Variants in SESN3 observed in about 807,000 individuals in gnomAD.
SESN3 encodes sestrin-3.
Under a neutral mutation model 55.3 loss-of-function variants are expected in SESN3, and 21 were observed. The ratio of observed to expected loss-of-function variants is 0.38; its 90% CI spans 0.27 to 0.55. The LOEUF (loss-of-function observed/expected upper bound fraction) is 0.55, where lower values mean the gene tolerates loss of function less well. Among genes scored for constraint, SESN3 ranks in the 20% least tolerant of loss-of-function variants. The probability of loss-of-function intolerance (pLI) is 0.76; values close to 1 mark genes in which losing one functional copy is unlikely to be tolerated. For missense variants in SESN3, 408 were observed against 604.3 expected (o/e 0.68, Z 3.41); for synonymous variants, 181 against 203.1 (o/e 0.89, Z 0.93).
intron 1 of SESN3, among the ~76,000 whole-genome samples, chr11:95,219,264 A>G (rs1860816899): frequency 6.6e-6 from 1 of 152,240 alleles, no homozygotes; most frequent in South Asian, 2.1e-4. Context: ...TGAACATTAC[A>G]TGGAATTTAG....
At chr11:95,215,555 G>A (rs1860736581) in intron 1 of SESN3, among the ~76,000 whole-genome samples, 1 of 152,106 alleles carries the variant, frequency 6.6e-6, no homozygotes, top group Non-Finnish European at 1.5e-5. Flanking sequence ...TTGGTGTACT[G>A]CTGAATTACA....
intron 1 of SESN3, among the ~76,000 whole-genome samples, chr11:95,194,916 C>G (rs1232375129): frequency 2.0e-5 from 3 of 151,990 alleles, no homozygotes; most frequent in Non-Finnish European, 4.4e-5. Flanking sequence ...AGAGTGAGAC[C>G]TCATCTCACA....
intron 1 of SESN3, among the ~76,000 whole-genome samples, chr11:95,203,521 T>C (rs1226042760): frequency 1.3e-5 from 2 of 152,180 alleles, no homozygotes; most frequent in South Asian, 2.1e-4. Context: ...TCTTTATTCC[T>C]AGTTTTGAAA....
At chr11:95,194,622 T>C (rs1211644027) in intron 1 of SESN3, among the ~76,000 whole-genome samples, 5 of 152,122 alleles carry the variant, frequency 3.3e-5, no homozygotes, top group Admixed American at 2.6e-4. Context: ...TTCTAGGTTA[T>C]ATTTACAAAA....
chr11:95,170,657 A>G lies in SESN3; in HGVS notation c.*2598T>C, dbSNP rs1859832223. 6.6e-6 allele frequency: 1 copy of G among 152,192 alleles called. No homozygotes were observed. Among genetic ancestry groups the G allele is most frequent in the South Asian group, 2.1e-4 (1 of 4,828 alleles). 9.4% of individuals were successfully genotyped at this position (152,192 alleles called of 1,614,324 possible). On this transcript the variant is annotated 3_prime_UTR_variant, in exon 10 of 10. Transcript: ENST00000536441. ...AATTTCAAGTTTGCATTGGATAAAGAGAGTTAACAGCAAACTCGTTGTAAA... is the reference window on the plus strand; with the variant it reads ...AATTTCAAGTTTGCATTGGATAAAGGGAGTTAACAGCAAACTCGTTGTAAA...
intron 3 of SESN3, among the ~76,000 whole-genome samples, chr11:95,190,965 T>C (rs961616012): frequency 1.2e-4 from 18 of 152,032 alleles, no homozygotes; most frequent in South Asian, 2.1e-4. Context: ...CAAGAATTCT[T>C]CTCTCATTCA....
At chr11:95,184,823 G>A (rs558940475) in intron 5 of SESN3, among the ~76,000 whole-genome samples, 4 of 151,744 alleles carry the variant, frequency 2.6e-5, no homozygotes, top group Non-Finnish European at 4.4e-5. Context: ...ATATATGTGT[G>A]TGCATAAAAT....
At chr11:95,204,956 A>G (rs2134248660) in intron 1 of SESN3, 1 of 152,358 alleles carries the variant, frequency 6.6e-6, no homozygotes, top group Middle Eastern at 3.4e-3. Context: ...GTTAGGAGCT[A>G]TAACGGGAGT....
rs750172071 is a variant in SESN3, at chr11:95,178,809, A to G, written c.957T>C (p.Ile319=). The G allele has an allele frequency of 1.2e-6, 2 of 1,601,744 alleles. No individual in the cohort carries two copies. Among genetic ancestry groups the G allele is most frequent in the East Asian group, 2.2e-5 (1 of 44,794 alleles). ...TATATCGAGAGACATCAGATGTTAT[A>G]ATCATGTCATCCTCAAAATCTAAGG... ...FPHSDFEDDM[I]ITSDVSRYIE... The change falls in exon 7 of 10, where the codon ATT becomes ATC. Residue 319 remains isoleucine (I), a synonymous_variant. Transcript: ENST00000536441.
Position 95,230,753 on chromosome 11 carries a change from C to A in SESN3, c.78+30G>T. On this transcript the variant is annotated intron_variant, in intron 1 of 9. Coordinates refer to ENST00000536441, the MANE Select transcript of SESN3 (RefSeq NM_144665.4). This position sits in a 1 kb window ranked among gnomAD's most constrained non-coding sequence, Gnocchi z 4.6. The stretch of plus-strand genomic sequence containing the variant: ...GCCCCGGCCGGCAGGAAGCGACCCT[C>A]GCCGGCAGGACCCCGGGCCGAACCC... 1.3e-6 allele frequency: 2 copies of A among 1,578,198 alleles called. No homozygotes were observed. The highest frequency in any genetic ancestry group is 2.3e-5 in the East Asian group (1 of 43,320).
At position 95,171,357 on chromosome 11, in the gene SESN3, C is replaced by T. The variant is rs1239820726; in HGVS notation, c.*1898G>A. 1.3e-5 allele frequency: 2 copies of T among 152,032 alleles called. No individual in the cohort carries two copies. The highest frequency in any genetic ancestry group is 6.6e-5 in the Admixed American group (1 of 15,264). The allele number at this position is 152,032 out of a possible 1,614,324, so 9.4% of individuals were successfully genotyped here. On this transcript the variant is annotated 3_prime_UTR_variant, in exon 10 of 10. Coordinates refer to ENST00000536441, the MANE Select transcript of SESN3 (RefSeq NM_144665.4). ...TGAATAATCTCTTTAAATAAACCAC[C>T]CTGTCTTTAAAAATATTAGTAATTT...
chr11:95,223,418 G>GA (rs1860894827), intron 1 of SESN3, among the ~76,000 whole-genome samples: 1 of 152,092 alleles, frequency 6.6e-6, no homozygotes, highest in African/African-American at 2.4e-5. Context: ...TTGGTATAAT[G>GA]GACATAATTT....
chr11:95,168,417 T>G lies in SESN3; in HGVS notation c.*4838A>C, dbSNP rs908046495. On this transcript the variant is annotated 3_prime_UTR_variant, in exon 10 of 10. Coordinates refer to ENST00000536441, the MANE Select transcript of SESN3 (RefSeq NM_144665.4). ...AATAGTTCAATTTCTGTATCATGTA[T>G]AAATATAAAGTTTCCTACTTTGATA... The G allele has an allele frequency of 1.5e-4, 23 of 152,124 alleles. No homozygotes were observed. Among genetic ancestry groups the G allele is most frequent in the African/African-American group, 4.6e-4 (19 of 41,426 alleles). The allele number at this position is 152,124 out of a possible 1,614,324, so 9.4% of individuals were successfully genotyped here.
chr11:95,212,366 C>T (rs1412868527), intron 1 of SESN3, among the ~76,000 whole-genome samples: 4 of 152,034 alleles, frequency 2.6e-5, no homozygotes, highest in Non-Finnish European at 5.9e-5. Flanking sequence ...CTCTCTAAAA[C>T]CTAGGACAGA....
rs1859891055 is a variant in SESN3, at chr11:95,173,345, G to A, written c.1393-4C>T. Reference sequence around the variant, plus strand: ...TTAAAAGTAGATTGACATGAACCTAGAAGTGAAAATGTTATCAGTTTAGTA... The same window carrying A: ...TTAAAAGTAGATTGACATGAACCTAAAAGTGAAAATGTTATCAGTTTAGTA... On this transcript the variant is annotated splice_polypyrimidine_tract_variant and splice_region_variant and intron_variant, in intron 9 of 9. Transcript: ENST00000536441. 1 of 1,574,122 alleles carries A rather than the reference G, an allele frequency of 6.4e-7. No homozygotes were observed. Among genetic ancestry groups the A allele is most frequent in the Admixed American group, 1.7e-5 (1 of 59,722 alleles).
chr11:95,173,652 C>T (rs922994854), intron 9 of SESN3, among the ~76,000 whole-genome samples: 1 of 151,560 alleles, frequency 6.6e-6, no homozygotes, highest in African/African-American at 2.4e-5. Context: ...AATTACATTT[C>T]TTTCTAGTTA....
chr11:95,196,054 T>TGATA (rs1860355766), intron 1 of SESN3, among the ~76,000 whole-genome samples: 1 of 152,198 alleles, frequency 6.6e-6, no homozygotes, highest in South Asian at 2.1e-4. Flanking sequence ...GAAGCTCTGG[T>TGATA]GATAGTCCAG....
In SESN3 at chr11:95,167,525, G is replaced by C. The variant is rs1241223252; in HGVS notation, c.*5730C>G. On this transcript the variant is annotated 3_prime_UTR_variant, in exon 10 of 10. Coordinates refer to ENST00000536441, the MANE Select transcript of SESN3 (RefSeq NM_144665.4). ...CTTCATGGTGGTACAGTCATAATTA[G>C]GTTAAAGCTAAAATGAACACTTCAT... 6.6e-6 allele frequency: 1 copy of C among 151,474 alleles called. No individual in the cohort carries two copies. The highest frequency in any genetic ancestry group is 2.4e-5 in the African/African-American group (1 of 40,896). 9.4% of individuals were successfully genotyped at this position (151,474 alleles called of 1,614,324 possible).
chr11:95,183,699 A>G (rs943895438), intron 6 of SESN3, among the ~76,000 whole-genome samples: 2 of 151,870 alleles, frequency 1.3e-5, no homozygotes, highest in African/African-American at 2.4e-5. Flanking sequence ...AAAAAAAAAA[A>G]AAGTTATGCA....
Sources: gnomAD v4.1 joint callset for allele counts (sites outside exome capture counted in the v4.1 genomes callset) on GRCh38, gnomAD v4.1.1 for gene constraint, Gnocchi (gnomAD v3.1) non-coding constraint, MANE v1.5 for transcripts, NCBI Gene and HGNC (gene_info 2026-07-23, HGNC 2026-07-21) for gene names.